Variants in MOB2 observed in about 807,000 individuals in gnomAD.
The protein encoded by MOB2 is MOB kinase activator 2.
A neutral mutation model predicts 27.4 loss-of-function variants in MOB2; 14 were observed. The ratio of observed to expected loss-of-function variants is 0.51; its 90% confidence interval spans 0.34 to 0.80. MOB2 has a LOEUF of 0.80. Ranked by LOEUF, MOB2 falls within the 30% of genes least tolerant of loss-of-function variation. MOB2 has a pLI of 0.01. For missense variants in MOB2, 304 were observed against 354.6 expected (o/e 0.86, Z 1.15); for synonymous variants, 167 against 151.8 (o/e 1.10, Z -0.74).
At chr11:1,475,103 C>T (rs1427309079) in intron 3 of MOB2, among the ~76,000 whole-genome samples, 3 of 152,204 alleles carry the variant, frequency 2.0e-5, no homozygotes, top group African/African-American at 4.8e-5. Flanking sequence ...TCTGTAACAG[C>T]ATTTCGTAGT....
At position 1,470,037 on chromosome 11, in the gene MOB2, C is replaced by A; in HGVS notation, c.*135G>T. ...CCGTCTGCGTCTGTGCCTGTGCAGC[C>A]CACACCAGTGCAGCCCGGGGCCCTC... On this transcript the variant is annotated 3_prime_UTR_variant, in exon 5 of 5. Transcript: ENST00000329957. 6.5e-7 allele frequency: 1 copy of A among 1,535,478 alleles called. No homozygotes were observed. Among genetic ancestry groups the A allele is most frequent in the East Asian group, 2.4e-5 (1 of 40,900 alleles).
intron 3 of MOB2, among the ~76,000 whole-genome samples, chr11:1,475,359 A>G (rs916984934): frequency 1.3e-5 from 2 of 152,206 alleles, no homozygotes; most frequent in Admixed American, 1.3e-4. Context: ...CCCCATCCAC[A>G]GGGGATGCAC....
chr11:1,473,569 G>A (rs912086969), intron 3 of MOB2: 1 of 152,234 alleles, frequency 6.6e-6, no homozygotes, highest in African/African-American at 2.4e-5. Flanking sequence ...TGATGCACCT[G>A]GCCACAGGTG....
Position 1,469,461 on chromosome 11 carries a change from C to G in MOB2, c.*711G>C, listed in dbSNP as rs1231093188. 1 of 424,916 alleles carries G rather than the reference C, an allele frequency of 2.4e-6. No individual in the cohort carries two copies. The highest frequency in any genetic ancestry group is 4.8e-6 in the Non-Finnish European group (1 of 207,056). 26.3% of individuals were successfully genotyped at this position (424,916 alleles called of 1,614,324 possible). On this transcript the variant is annotated 3_prime_UTR_variant, in exon 5 of 5. Transcript: ENST00000329957. ...CGCTGAGACGTACACAGGCTCTGAC[C>G]TGAGAGAATTCTTTTTATTACGAGT...
chr11:1,476,223 T>C (rs1415157546), intron 3 of MOB2, among the ~76,000 whole-genome samples: 4 of 152,254 alleles, frequency 2.6e-5, no homozygotes, highest in African/African-American at 9.6e-5. Context: ...TAACGGAAAC[T>C]GTAGATAAGG....
At chr11:1,479,391 C>T (rs1270157053) in intron 3 of MOB2, among the ~76,000 whole-genome samples, 1 of 152,250 alleles carries the variant, frequency 6.6e-6, no homozygotes, top group Non-Finnish European at 1.5e-5. Flanking sequence ...AGCACTGTCC[C>T]CATCTTCCTG....
chr11:1,471,694 AT>A, intron 3 of MOB2: 1 of 372,514 alleles, frequency 2.7e-6, no homozygotes, highest in Non-Finnish European at 4.8e-6. Flanking sequence ...CAGGTGTGTG[AT>A]TAAATGAAGG....
In MOB2 at chr11:1,469,859, G is replaced by T. The variant is rs1330740483; in HGVS notation, c.*313C>A. On this transcript the variant is annotated 3_prime_UTR_variant, in exon 5 of 5. Transcript: ENST00000329957. ...CAGCAGCACCCGAGGGAGGGCAGGGGCTGCACGGAGACCAGAGAAAGGAAA... is the reference window on the plus strand; with the variant it reads ...CAGCAGCACCCGAGGGAGGGCAGGGTCTGCACGGAGACCAGAGAAAGGAAA... 1 of 630,842 alleles carries T rather than the reference G, an allele frequency of 1.6e-6. No individual in the cohort carries two copies. Among genetic ancestry groups the T allele is most frequent in the East Asian group, 3.5e-5 (1 of 28,872 alleles). The allele number at this position is 630,842 out of a possible 1,614,324, so 39.1% of individuals were successfully genotyped here.
At chr11:1,480,192 T>G (rs1036725965) in intron 3 of MOB2, among the ~76,000 whole-genome samples, 3 of 152,164 alleles carry the variant, frequency 2.0e-5, no homozygotes, top group Admixed American at 2.0e-4. Flanking sequence ...TGGGCCCCAC[T>G]GGGGACCTGG....
chr11:1,481,934 G>A (rs577599173), intron 1 of MOB2, among the ~76,000 whole-genome samples: 5 of 152,304 alleles, frequency 3.3e-5, no homozygotes, highest in Admixed American at 6.5e-5. Flanking sequence ...GTGAGCTTCC[G>A]TGTAGCCTGC....
chr11:1,472,748 G>A (rs186281814), intron 3 of MOB2: 43 of 153,564 alleles, frequency 2.8e-4, no homozygotes, highest in East Asian at 2.3e-3. Context: ...GGCTGAGACA[G>A]GGCCACGGGG....
Position 1,486,553 on chromosome 11 carries a change from G to C in MOB2, c.4C>G (p.Leu2Val). ...TCAGGGAGACTGCAGTGGTCTCCCAGCATGAGTGGGCGACGGGAAGGTGGG... is the reference window on the plus strand; with the variant it reads ...TCAGGGAGACTGCAGTGGTCTCCCACCATGAGTGGGCGACGGGAAGGTGGG... M[L>V]GDHCSLPEDQ... The change falls in exon 1 of 5, where the codon CTG (leucine) becomes GTG (valine). Residue 2 changes from leucine (L) to valine (V), a missense_variant. By Grantham distance (32) the Leu-to-Val change is conservative. Coordinates refer to ENST00000329957, the MANE Select transcript of MOB2 (RefSeq NM_001172223.3). The C allele has an allele frequency of 6.5e-7, 1 of 1,534,544 alleles. No homozygotes were observed. Among genetic ancestry groups the C allele is most frequent in the Non-Finnish European group, 8.7e-7 (1 of 1,145,700 alleles).
intron 1 of MOB2, 141 bp from the exon 2 acceptor site, chr11:1,481,026 A>G (rs1282362131): frequency 9.6e-7 from 1 of 1,042,152 alleles, no homozygotes; most frequent in African/African-American, 1.6e-5. Flanking sequence ...GCCAGGCTCA[A>G]AGGACACCAA....
At chr11:1,474,231 C>T (rs747700644) in intron 3 of MOB2, among the ~76,000 whole-genome samples, 2 of 152,218 alleles carry the variant, frequency 1.3e-5, no homozygotes, top group African/African-American at 2.4e-5. Context: ...ACTGTCTGCT[C>T]ATTTCTTTTG....
chr11:1,480,304 T>G, intron 3 of MOB2, 89 bp downstream of exon 3: 1 of 1,217,704 alleles, frequency 8.2e-7, no homozygotes, highest in Non-Finnish European at 1.2e-6. Flanking sequence ...GAGAACGGAA[T>G]CTGAGAGGAC....
Position 1,480,711 on chromosome 11 carries a change from AGGCCCCC to A in MOB2, c.271+7_271+13del. On this transcript the variant is annotated splice_region_variant and intron_variant, in intron 2 of 4. Coordinates refer to ENST00000329957, the MANE Select transcript of MOB2 (RefSeq NM_001172223.3). ...GGGAGGAGGGAGGGGGCCCGCCCCCAGGCCCCCGCGCACTGTTGCTGGCCAGCCACTC... is the reference window on the plus strand; with the variant it reads ...GGGAGGAGGGAGGGGGCCCGCCCCCAGCGCACTGTTGCTGGCCAGCCACTC... The A allele has an allele frequency of 1.9e-6, 3 of 1,598,542 alleles. No homozygotes were observed. Among genetic ancestry groups the A allele is most frequent in the Non-Finnish European group, 2.6e-6 (3 of 1,173,280 alleles).
rs1847787651 is a variant in MOB2, at chr11:1,471,335, C to G, written c.450G>C (p.Gln150His). 2.5e-6 allele frequency: 4 copies of G among 1,613,452 alleles called. No homozygotes were observed. The highest frequency in any genetic ancestry group is 3.4e-6 in the Non-Finnish European group (4 of 1,179,836). Reference sequence around the variant, plus strand: ...ACACGTCCTCATCCGTCACCAGCTTCTGCACGGAGCTCATGACGAAGTCAA... The same window carrying G: ...ACACGTCCTCATCCGTCACCAGCTTGTGCACGGAGCTCATGACGAAGTCAA... The part of the protein sequence containing the change: ...QYVDFVMSSV[Q>H]KLVTDEDVFP... Residue 150 changes from glutamine (Q) to histidine (H), a missense_variant, in exon 4 of 5, where the codon CAG (glutamine) becomes CAC (histidine). Coordinates refer to ENST00000329957, the MANE Select transcript of MOB2 (RefSeq NM_001172223.3).
rs1251494961 is a variant in MOB2, at chr11:1,469,566, C to T, written c.*606G>A. ...ACGCAGGGCCTCAGCCCCGTCCTGG[C>T]CTTGCCTGAGGACTGCACCATGGGT... On this transcript the variant is annotated 3_prime_UTR_variant, in exon 5 of 5. Coordinates refer to ENST00000329957, the MANE Select transcript of MOB2 (RefSeq NM_001172223.3). 2 of 456,628 alleles carry T rather than the reference C, an allele frequency of 4.4e-6. No homozygotes were observed. Among genetic ancestry groups the T allele is most frequent in the African/African-American group, 2.0e-5 (1 of 50,086 alleles). 28.3% of individuals were successfully genotyped at this position (456,628 alleles called of 1,614,324 possible).
At chr11:1,473,426 T>A (rs1422515343) in intron 3 of MOB2, 4 of 152,218 alleles carry the variant, frequency 2.6e-5, no homozygotes, top group Non-Finnish European at 5.9e-5. Context: ...TCCCAGATGG[T>A]GTAGGGGAGG....
Sources: gnomAD v4.1 joint callset for allele counts (sites outside exome capture counted in the v4.1 genomes callset) on GRCh38, gnomAD v4.1.1 for gene constraint, MANE v1.5 for transcripts, NCBI Gene and HGNC (gene_info 2026-07-23, HGNC 2026-07-21) for gene names.